Variants in FMN1 observed in about 807,000 individuals in gnomAD.
The protein encoded by FMN1 is formin 1, also known as formin-1.
Under a neutral mutation model 132.4 loss-of-function variants are expected in FMN1, and 110 were observed. The ratio of observed to expected loss-of-function variants is 0.83; its 90% CI spans 0.71 to 0.97. FMN1 has a LOEUF of 0.97. Among genes scored for constraint, FMN1 ranks in the 50% least tolerant of loss-of-function variants. FMN1 has a pLI of 0.00. For synonymous variants in FMN1, 722 were observed against 651.7 expected (o/e 1.11, Z -1.64); for missense variants, 1,792 against 1,705.3 (o/e 1.05, Z -0.90).
intron 4 of FMN1, among the ~76,000 whole-genome samples, chr15:33,123,027 A>G (rs1962715805): frequency 6.6e-6 from 1 of 151,742 alleles, no homozygotes; most frequent in Non-Finnish European, 1.5e-5. Context: ...TAATCTGACC[A>G]TGTTCACACA....
chr15:33,057,960 A>G (rs1223316574), intron 6 of FMN1, among the ~76,000 whole-genome samples: 2 of 112,542 alleles, frequency 1.8e-5, no homozygotes, highest in African/African-American at 5.2e-5. Flanking sequence ...GAGCGGAAGG[A>G]ACTAAACTGC....
intron 4 of FMN1, among the ~76,000 whole-genome samples, 189 bp from the exon 5 acceptor site, chr15:33,089,163 A>C (rs1392048698): frequency 6.6e-6 from 1 of 152,204 alleles, no homozygotes; most frequent in Admixed American, 6.5e-5. Context: ...ACACCAACAA[A>C]AATTTACAAC....
At chr15:33,098,413 C>T (rs1290765496) in intron 4 of FMN1, among the ~76,000 whole-genome samples, 2 of 152,180 alleles carry the variant, frequency 1.3e-5, no homozygotes, top group Non-Finnish European at 2.9e-5. Context: ...CCTCTCTAGG[C>T]TTCCAGAACA....
intron 20 of FMN1, 115 bp downstream of exon 20, chr15:32,776,720 C>G: frequency 1.8e-6 from 1 of 547,110 alleles, no homozygotes; most frequent in Non-Finnish European, 3.2e-6. Context: ...ATATGCTACT[C>G]TGGGATGGGA....
At chr15:32,956,899 A>G (rs1240674165) in intron 9 of FMN1, among the ~76,000 whole-genome samples, 2 of 152,160 alleles carry the variant, frequency 1.3e-5, no homozygotes, top group East Asian at 1.9e-4. Context: ...CCCCTCCCCA[A>G]TAAACTGAGA....
intron 17 of FMN1, chr15:32,836,843 C>T (rs1299086930): frequency 6.0e-6 from 1 of 165,858 alleles, no homozygotes; most frequent in Non-Finnish European, 1.5e-5. Flanking sequence ...AACTTCCTGA[C>T]ACTCCTAGGT....
chr15:32,844,619 C>T (rs1000469105), intron 17 of FMN1, among the ~76,000 whole-genome samples: 1 of 152,126 alleles, frequency 6.6e-6, no homozygotes, highest in Non-Finnish European at 1.5e-5. Flanking sequence ...CTGGTCTTAA[C>T]AGAAATCCAG....
At chr15:32,903,073 C>G (rs2060335649) in intron 12 of FMN1, among the ~76,000 whole-genome samples, 1 of 152,110 alleles carries the variant, frequency 6.6e-6, no homozygotes, top group East Asian at 1.9e-4. Flanking sequence ...GCTTATACAC[C>G]CTGTGCTGCC....
chr15:33,066,593 A>G, intron 5 of FMN1: 21 of 1,613,094 alleles, frequency 1.3e-5, no homozygotes, highest in Non-Finnish European at 1.7e-5. Context: ...CTCATGTCTC[A>G]TCTTGCGCTT....
In FMN1 at chr15:32,984,140, TA is replaced by T. The variant is rs1007765966; in HGVS notation, c.2224-14664del. Among the ~76,000 whole-genome samples the T allele has an allele frequency of 2.7e-4, 41 of 152,310 alleles. 1 individual carries two copies. Among genetic ancestry groups the T allele is most frequent in the Admixed American group, 2.7e-3 (41 of 15,306 alleles). The stretch of plus-strand genomic sequence containing the variant: ...TCCAAACAAAAAAAGTTTCTGCTTT[TA>T]TAAGAAAAAAAGACCTACTACTATC... On this transcript the variant is annotated intron_variant, in intron 7 of 20. Coordinates refer to ENST00000616417, the MANE Select transcript of FMN1 (RefSeq NM_001277313.2).
intron 4 of FMN1, among the ~76,000 whole-genome samples, chr15:33,118,333 G>T (rs2040007099): frequency 6.6e-6 from 1 of 152,126 alleles, no homozygotes; most frequent in African/African-American, 2.4e-5. Context: ...TGGAACAGTT[G>T]ATGATTGTCC....
chr15:33,151,083 C>T, intron 4 of FMN1: 2 of 1,322,994 alleles, frequency 1.5e-6, no homozygotes, highest in South Asian at 4.3e-5. Flanking sequence ...CTCACAGCGA[C>T]AGGAAAGGGA....
intron 2 of FMN1, among the ~76,000 whole-genome samples, chr15:33,186,037 C>T (rs937665772): frequency 2.0e-5 from 3 of 152,056 alleles, no homozygotes; most frequent in African/African-American, 7.2e-5. Context: ...CTCATCCCAC[C>T]TCCTTCCCAA....
intron 4 of FMN1, chr15:33,151,292 T>G (rs1964428572): frequency 6.5e-7 from 1 of 1,536,314 alleles, no homozygotes; most frequent in South Asian, 1.2e-5. Flanking sequence ...TTTTCCAGCT[T>G]CTTCTTTTAT....
chr15:32,973,059 C>G (rs1320423551), intron 7 of FMN1, among the ~76,000 whole-genome samples: 1 of 152,150 alleles, frequency 6.6e-6, no homozygotes, highest in Non-Finnish European at 1.5e-5. Flanking sequence ...TTTCACTGGA[C>G]AAAGGCAATG....
At chr15:33,080,620 C>T (rs138718231) in intron 5 of FMN1, among the ~76,000 whole-genome samples, 3,034 of 152,144 alleles carry the variant, frequency 0.02, 60 homozygotes, top group South Asian at 0.091. Context: ...GGCATAATGG[C>T]GGGTGCCTGT....
chr15:33,161,682 G>A (rs144426796), intron 3 of FMN1, among the ~76,000 whole-genome samples: 2,094 of 152,266 alleles, frequency 0.014, 52 homozygotes, highest in African/African-American at 0.047. Context: ...ACTTTGGGAG[G>A]CTGAGGCGGG....
rs193139597 is a variant in FMN1 at position 32,981,957 on chromosome 15, G to A, written c.2224-12480C>T. Among the ~76,000 whole-genome samples the A allele has an allele frequency of 3.1e-3, 469 of 152,028 alleles. 3 individuals carry two copies. Among genetic ancestry groups the A allele is most frequent in the Middle Eastern group, 0.01 (3 of 294 alleles). On this transcript the variant is annotated intron_variant, in intron 7 of 20. Transcript: ENST00000616417. ...TTGTTGCAAGTCTCTAAGCCACACA[G>A]GGAAAAAATGTTGGAAAACAAATAA... is the stretch of plus-strand genomic sequence containing the variant.
chr15:33,024,996 C>G (rs1325446787), intron 6 of FMN1, among the ~76,000 whole-genome samples: 2 of 152,102 alleles, frequency 1.3e-5, no homozygotes, highest in Non-Finnish European at 2.9e-5. Context: ...TTTGTAGACT[C>G]ATGAAATACA....
Sources: allele counts gnomAD v4.1 joint callset (sites outside exome capture counted in the v4.1 genomes callset), GRCh38; gene constraint gnomAD v4.1.1; transcripts MANE v1.5; gene names NCBI Gene and HGNC (gene_info 2026-07-23, HGNC 2026-07-21).